The following APC2 variants were observed in gnomAD, a reference collection of about 807,000 sequenced individuals.
The protein encoded by APC2 is adenomatous polyposis coli protein 2.
In APC2, 41 loss-of-function variants were observed where a neutral mutation model predicts 72.5. The ratio of observed to expected loss-of-function variants is 0.57; its 90% CI spans 0.44 to 0.73. APC2 has a LOEUF of 0.73. Ranked by LOEUF, APC2 falls within the 30% of genes least tolerant of loss-of-function variation. APC2 has a pLI of 0.00. For synonymous variants in APC2, 1,898 were observed against 1,612.0 expected (o/e 1.18, Z -4.25); for missense variants, 3,729 against 3,403.4 (o/e 1.10, Z -2.38).
Position 1,471,539 on chromosome 19 carries a change from G to T in APC2, c.*1326G>T, listed in dbSNP as rs543300315. 6.6e-6 allele frequency: 1 copy of T among 152,230 alleles called. No homozygotes were observed. The highest frequency in any genetic ancestry group is 2.4e-5 in the African/African-American group (1 of 41,464). The allele number at this position is 152,230 out of a possible 1,614,324, so 9.4% of individuals were successfully genotyped here. ...GCGTGGGGTGGGACTCGCAGGGGCC[G>T]GGTCTCCGTGACTGGGGCAACGCCT... On this transcript the variant is annotated 3_prime_UTR_variant, in exon 15 of 15. Transcript: ENST00000590469.
At chr19:1,448,260 C>G (rs1438055219), upstream of APC2, among the ~76,000 whole-genome samples, 1 of 152,172 alleles carries the variant, frequency 6.6e-6, no homozygotes, top group South Asian at 2.1e-4. Context: ...TCCTCCTGAT[C>G]ACTGCTGTTC....
At position 1,468,251 on chromosome 19, in the gene APC2, C is replaced by A. The variant is rs1314191622; in HGVS notation, c.4950C>A (p.Arg1650=). The change falls in exon 15 of 15, where the codon CGC becomes CGA. Residue 1650 remains arginine, a synonymous_variant. Transcript: ENST00000590469. The stretch of plus-strand genomic sequence containing the variant: ...CCCCCGTGTCTGGCCTGCGGCGCCG[C>A]AAGCCCCGAGCCACCCGGCTGGATG... ...RRPPVSGLRR[R]KPRATRLDER... is the part of the protein sequence containing the mutation. 8.6e-6 allele frequency: 13 copies of A among 1,515,004 alleles called. No homozygotes were observed. The African/African-American group carries it at 1.7e-4, about 20-fold the overall frequency. The allele number at this position is 1,515,004 out of a possible 1,614,324, so 93.8% of individuals were successfully genotyped here.
At position 1,452,601 on chromosome 19, in the gene APC2, G is replaced by A. The variant is rs939303671; in HGVS notation, c.-18-383G>A. On this transcript the variant is annotated intron_variant, in intron 1 of 14. Transcript: ENST00000590469. The surrounding 1 kb of genome is among the most constrained non-coding windows in gnomAD (Gnocchi z 5.1). ...CCTGGGGGTGCTGGGCTGGCCAGTC[G>A]GCTTGCTGGGTTAGGCTGTCCCAGC... 2.1e-5 allele frequency: 4 copies of A among 191,760 alleles called. No homozygotes were observed. In the South Asian group the frequency reaches 3.0e-4, roughly 14 times the overall value. The allele number at this position is 191,760 out of a possible 1,614,324, so 11.9% of individuals were successfully genotyped here. A position where few individuals can be genotyped will look rare whatever the true frequency, so the allele number is the denominator to read the frequency against.
chr19:1,459,430 GGGCTGACCCAC>G (rs2083890071), intron 10 of APC2, among the ~76,000 whole-genome samples: 2 of 152,318 alleles, frequency 1.3e-5, no homozygotes, highest in Non-Finnish European at 2.9e-5. Context: ...AGGGCACGCT[GGGCTGACCCAC>G]TTGTCCTCCT....
Position 1,466,663 on chromosome 19 carries a change from C to G in APC2, c.3362C>G (p.Ser1121Trp), listed in dbSNP as rs1335942683. The change falls in exon 15 of 15, where the codon TCG becomes TGG. Residue 1121 changes from serine (S) to tryptophan (W), a missense_variant. By Grantham distance (177) the Ser-to-Trp change is radical (BLOSUM62 -3). Transcript: ENST00000590469. ...ACGTGGCGGGCGCCCGGGGCCACCTCGCTGCCCGTAGCCATTCCGGCTCCC... is the reference window on the plus strand; with the variant it reads ...ACGTGGCGGGCGCCCGGGGCCACCTGGCTGCCCGTAGCCATTCCGGCTCCC... ...DSTWRAPGAT[S>W]LPVAIPAPRR... 7.3e-6 allele frequency: 11 copies of G among 1,497,594 alleles called. No individual in the cohort carries two copies. The highest frequency in any genetic ancestry group is 9.8e-6 in the Non-Finnish European group (11 of 1,124,014). The allele number at this position is 1,497,594 out of a possible 1,614,324, so 92.8% of individuals were successfully genotyped here. A position where few individuals can be genotyped will look rare whatever the true frequency, so the allele number is the denominator to read the frequency against.
Position 1,461,024 on chromosome 19 carries a change from T to G in APC2, c.1522-13T>G, listed in dbSNP as rs755825357. The G allele has an allele frequency of 5.6e-6, 9 of 1,613,372 alleles. No homozygotes were observed. The Admixed American group carries it at 8.3e-5, about 15-fold the overall frequency. On this transcript the variant is annotated splice_polypyrimidine_tract_variant and intron_variant, in intron 12 of 14. Transcript: ENST00000590469. ...ACCCTAGTCCCACCACACTTGCCCCTCACCCCACCCAGGTGGTGTCCAGCA... is the reference window on the plus strand; with the variant it reads ...ACCCTAGTCCCACCACACTTGCCCCGCACCCCACCCAGGTGGTGTCCAGCA...
intron 7 of APC2, 50 bp downstream of exon 7, chr19:1,456,203 G>T (rs2083822704): frequency 1.9e-6 from 3 of 1,553,138 alleles, no homozygotes; most frequent in Non-Finnish European, 2.6e-6. Context: ...GGCCCAGGCA[G>T]AACGGGGCTC....
Position 1,456,930 on chromosome 19 carries a change from G to A in APC2, c.894G>A (p.Met298Ile). The A allele has an allele frequency of 6.4e-7, 1 of 1,563,646 alleles. No individual in the cohort carries two copies. Among genetic ancestry groups the A allele is most frequent in the Non-Finnish European group, 8.6e-7 (1 of 1,162,844 alleles). Reference sequence around the variant, plus strand: ...ATACAGCGCGCACGCTGCTGGCCATGTCCAGCTCGCCCGAGAGCTGCGTGG... The same window carrying A: ...ATACAGCGCGCACGCTGCTGGCCATATCCAGCTCGCCCGAGAGCTGCGTGG... ...QEDTARTLLA[M>I]SSSPESCVAM... The change falls in exon 9 of 15, where the codon ATG becomes ATA. Residue 298 changes from methionine to isoleucine, a missense_variant. Transcript: ENST00000590469.
chr19:1,467,587 C>A lies in APC2; in HGVS notation c.4286C>A (p.Thr1429Asn). 6.6e-7 allele frequency: 1 copy of A among 1,512,930 alleles called. No homozygotes were observed. The highest frequency in any genetic ancestry group is 8.8e-7 in the Non-Finnish European group (1 of 1,137,084). The allele number at this position is 1,512,930 out of a possible 1,614,324, so 93.7% of individuals were successfully genotyped here. A position where few individuals can be genotyped will look rare whatever the true frequency, so the allele number is the denominator to read the frequency against. ...GGACCAGCGGGCAGGCAAAGACCCA[C>A]CGGCCGCCCCACCTCTGCCAGACAG... ...PGGPAGRQRP[T>N]GRPTSARQAM... Residue 1429 changes from threonine (T) to asparagine (N), a missense_variant, in exon 15 of 15, where the codon ACC (threonine) becomes AAC (asparagine). Coordinates refer to ENST00000590469, the MANE Select transcript of APC2 (RefSeq NM_005883.3).
In APC2 at chr19:1,469,883, G is replaced by A; in HGVS notation, c.6582G>A (p.Glu2194=). The A allele has an allele frequency of 6.6e-7, 1 of 1,523,910 alleles. No individual in the cohort carries two copies. The highest frequency in any genetic ancestry group is 1.2e-5 in the South Asian group (1 of 83,378). 94.4% of individuals were successfully genotyped at this position (1,523,910 alleles called of 1,614,324 possible). The stretch of plus-strand genomic sequence containing the variant: ...CCAGCGACGCCGTGGTCCAGACCGA[G>A]GAGGTCGCCGCCCCCAAGACCAACT... ...RKTSDAVVQT[E]EVAAPKTNSS... The change falls in exon 15 of 15, where the codon GAG becomes GAA. Residue 2194 remains glutamate (E), a synonymous_variant. Coordinates refer to ENST00000590469, the MANE Select transcript of APC2 (RefSeq NM_005883.3).
chr19:1,456,799 C>T, intron 8 of APC2, 54 bp from the exon 9 acceptor site: 1 of 1,552,130 alleles, frequency 6.4e-7, no homozygotes. Flanking sequence ...ACCGGGTTTC[C>T]AGGTGTGCGG....
In APC2 at chr19:1,457,050, G is replaced by A. The variant is rs1207158725; in HGVS notation, c.1014G>A (p.Pro338=). The A allele has an allele frequency of 2.6e-6, 4 of 1,530,536 alleles. No individual in the cohort carries two copies. The East Asian group carries it at 7.5e-5, about 29-fold the overall frequency. 94.8% of individuals were successfully genotyped at this position (1,530,536 alleles called of 1,614,324 possible). A position where few individuals can be genotyped will look rare whatever the true frequency, so the allele number is the denominator to read the frequency against. Residue 338 remains proline, a synonymous_variant, in exon 9 of 15, where the codon CCG becomes CCA. Transcript: ENST00000590469. ...AGGRAGAPGA[P]GAKDARMRAN... ...GTCGCGCCGGGGCCCCAGGGGCACC[G>A]GGCGCCAAGGACGCACGCATGCGCG...
chr19:1,455,344 G>T (rs752221383), intron 5 of APC2, 40 bp from the exon 6 acceptor site: 1 of 1,598,222 alleles, frequency 6.3e-7, no homozygotes, highest in Admixed American at 1.7e-5. Flanking sequence ...GGCCTGGCCC[G>T]GGCGCCCCTC....
Position 1,452,692 on chromosome 19 carries a change from G to A in APC2, c.-18-292G>A, listed in dbSNP as rs1469645412. On this transcript the variant is annotated intron_variant, in intron 1 of 14. Transcript: ENST00000590469. The surrounding 1 kb of genome is among the most constrained non-coding windows in gnomAD (Gnocchi z 5.1). The stretch of plus-strand genomic sequence containing the variant: ...GCTGGGAAGGAGAGGCCGACCCATC[G>A]TCTGTCGGTCGACTGGTCAGTTGGA... 1.9e-5 allele frequency: 7 copies of A among 372,434 alleles called. No individual in the cohort carries two copies. In the East Asian group the frequency reaches 2.0e-4, roughly 11 times the overall value. The allele number at this position is 372,434 out of a possible 1,614,324, so 23.1% of individuals were successfully genotyped here.
rs757498007 is a variant in APC2 at position 1,455,183 on chromosome 19, AAGG to A, written c.451_453del (p.Glu151del). On this transcript the variant is annotated inframe_deletion, in exon 5 of 15. Transcript: ENST00000590469. Reference sequence around the variant, plus strand: ...GCTGAATGAGATTGAGAAGGAGGAGAAGGAGAAGCTCTGGTACTACTCTCAGCT... The same window carrying A: ...GCTGAATGAGATTGAGAAGGAGGAGAAGAAGCTCTGGTACTACTCTCAGCT... The A allele has an allele frequency of 1.9e-6, 3 of 1,577,574 alleles. No homozygotes were observed. The highest frequency in any genetic ancestry group is 2.6e-6 in the Non-Finnish European group (3 of 1,170,310).
Position 1,470,350 on chromosome 19 carries a change from C to A in APC2, c.*137C>A. 1.6e-6 allele frequency: 2 copies of A among 1,235,858 alleles called. No homozygotes were observed. Among genetic ancestry groups the A allele is most frequent in the Non-Finnish European group, 2.1e-6 (2 of 935,056 alleles). 76.6% of individuals were successfully genotyped at this position (1,235,858 alleles called of 1,614,324 possible). A position where few individuals can be genotyped will look rare whatever the true frequency, so the allele number is the denominator to read the frequency against. On this transcript the variant is annotated 3_prime_UTR_variant, in exon 15 of 15. Coordinates refer to ENST00000590469, the MANE Select transcript of APC2 (RefSeq NM_005883.3). ...CACCCGAGCCCCACCACTCTCAGAA[C>A]CCCCGCCCAGCGCACGGCGACCTCG...
At chr19:1,458,250 C>G in intron 10 of APC2, 190 bp downstream of exon 10, 1 of 613,294 alleles carries the variant, frequency 1.6e-6, no homozygotes, top group African/African-American at 1.8e-5. Flanking sequence ...CCTCTGTCCC[C>G]ATGAGCTGCG....
At position 1,468,029 on chromosome 19, in the gene APC2, C is replaced by G; in HGVS notation, c.4728C>G (p.Cys1576Trp). The G allele has an allele frequency of 6.3e-7, 1 of 1,584,358 alleles. No homozygotes were observed. The highest frequency in any genetic ancestry group is 8.5e-7 in the Non-Finnish European group (1 of 1,174,192). ...TCATTGCTGACGAGACCCCGCCCTG[C>G]TACTCCCTGAGCTCCTCCGCCAGCT... The part of the protein sequence containing the change: ...PSLIADETPP[C>W]YSLSSSASSL... Residue 1576 changes from cysteine (C) to tryptophan (W), a missense_variant, in exon 15 of 15, where the codon TGC becomes TGG. Cys to Trp is a radical substitution (Grantham distance 215). Transcript: ENST00000590469.
At chr19:1,463,581 CAAAAAAA>C (rs58370572) in intron 14 of APC2, among the ~76,000 whole-genome samples, 1 of 96,282 alleles carries the variant, frequency 1.0e-5, no homozygotes, top group East Asian at 3.0e-4. Flanking sequence ...AAAACTGTCT[CAAAAAAA>C]AAAAAAAAAG....
Sources: allele counts gnomAD v4.1 joint callset (sites outside exome capture counted in the v4.1 genomes callset), GRCh38; gene constraint gnomAD v4.1.1; non-coding constraint Gnocchi (gnomAD v3.1); transcripts MANE v1.5; gene names NCBI Gene and HGNC (gene_info 2026-07-23, HGNC 2026-07-21).